WDR7: variants seen among roughly 807,000 people sequenced by gnomAD.
WDR7 encodes WD repeat-containing protein 7.
WDR7 carries 46 observed loss-of-function variants against 169.4 expected under a neutral mutation model. The observed-to-expected ratio is 0.27, with a 90% confidence interval of 0.21 to 0.35. The LOEUF (loss-of-function observed/expected upper bound fraction) is 0.35, where lower values mean the gene tolerates loss of function less well. Ranked by LOEUF, WDR7 falls within the 10% of genes least tolerant of loss-of-function variation. The pLI, the probability that WDR7 is intolerant of heterozygous loss-of-function variation, is 1.00. For synonymous variants in WDR7, 612 were observed against 666.8 expected (o/e 0.92, Z 1.27); for missense variants, 1,534 against 1,859.3 (o/e 0.83, Z 3.22).
At chr18:56,898,390 G>A (rs1000792537) in intron 21 of WDR7, among the ~76,000 whole-genome samples, 4 of 152,010 alleles carry the variant, frequency 2.6e-5, no homozygotes, top group African/African-American at 4.8e-5. Flanking sequence ...TTCAGGGGTG[G>A]ATGTTAAAAT....
At chr18:56,808,336 A>G (rs2044811130) in intron 19 of WDR7, among the ~76,000 whole-genome samples, 1 of 152,048 alleles carries the variant, frequency 6.6e-6, no homozygotes, top group East Asian at 1.9e-4. Flanking sequence ...CTTTAATTGG[A>G]CGACTGGAAA....
At chr18:56,796,479 A>G (rs1322962189) in intron 19 of WDR7, among the ~76,000 whole-genome samples, 1 of 152,352 alleles carries the variant, frequency 6.6e-6, no homozygotes, top group Non-Finnish European at 1.5e-5. Flanking sequence ...AGAAAACTCT[A>G]CAAAGCCTCA....
chr18:56,699,027 G>C (rs1244186249), intron 12 of WDR7, among the ~76,000 whole-genome samples: 1 of 151,752 alleles, frequency 6.6e-6, no homozygotes, highest in African/African-American at 2.4e-5. Context: ...AACTTAAAAT[G>C]AAAGTTAAAT....
At chr18:56,865,154 C>T (rs1484565768) in intron 20 of WDR7, among the ~76,000 whole-genome samples, 2 of 151,906 alleles carry the variant, frequency 1.3e-5, no homozygotes, top group African/African-American at 4.8e-5. Flanking sequence ...GTAGTCTATA[C>T]TAATGTTGTA....
chr18:56,928,227 G>T (rs757792303), intron 22 of WDR7, among the ~76,000 whole-genome samples: 1 of 152,134 alleles, frequency 6.6e-6, no homozygotes, highest in Non-Finnish European at 1.5e-5. Flanking sequence ...ACTTTGGGAG[G>T]CCGAGGTGGG....
chr18:56,779,816 T>C (rs2044291575), intron 18 of WDR7, among the ~76,000 whole-genome samples: 1 of 152,236 alleles, frequency 6.6e-6, no homozygotes, highest in Admixed American at 6.5e-5. Context: ...TTCTTAAGTT[T>C]GGTTTCTGTA....
chr18:57,024,419 T>C (rs1415813057), intron 27 of WDR7, among the ~76,000 whole-genome samples: 2 of 152,184 alleles, frequency 1.3e-5, no homozygotes, highest in Non-Finnish European at 2.9e-5. Flanking sequence ...TCATGCCGAA[T>C]TTGAAGAGGT....
At chr18:56,830,621 G>A (rs1024022793) in intron 20 of WDR7, among the ~76,000 whole-genome samples, 1 of 152,186 alleles carries the variant, frequency 6.6e-6, no homozygotes, top group Non-Finnish European at 1.5e-5. Context: ...GATACTAAGG[G>A]TGTCTGACTC....
chr18:56,900,111 A>ATATATATATATATAT (rs1555707547), intron 21 of WDR7, among the ~76,000 whole-genome samples: 179 of 137,530 alleles, frequency 1.3e-3, no homozygotes, highest in East Asian at 1.8e-3. Flanking sequence ...TATATATATA[A>ATATATATATATATAT]AATTGTTAAT....
chr18:56,887,863 CAT>C (rs1294642859), intron 21 of WDR7, among the ~76,000 whole-genome samples: 2 of 152,140 alleles, frequency 1.3e-5, no homozygotes, highest in Non-Finnish European at 2.9e-5. Flanking sequence ...TTTGATCAGT[CAT>C]GTGTAATATT....
chr18:56,747,110 C>G (rs762943587), intron 14 of WDR7, among the ~76,000 whole-genome samples: 9 of 152,172 alleles, frequency 5.9e-5, no homozygotes, highest in Non-Finnish European at 1.0e-4. Flanking sequence ...TTCAGTCTTT[C>G]CTCTACCACC....
At chr18:56,738,798 CTTTTTT>C (rs10547813) in intron 14 of WDR7, among the ~76,000 whole-genome samples, 66 of 58,806 alleles carry the variant, frequency 1.1e-3, no homozygotes, top group African/African-American at 3.6e-3. Context: ...GCATAAAATC[CTTTTTT>C]TTTTTTTTTT....
rs541143727 is a variant in WDR7, at chr18:56,659,139, C to T, written c.-20+7563C>T. Among the ~76,000 whole-genome samples, 13 of 152,010 alleles carry T rather than the reference C, an allele frequency of 8.6e-5. No homozygotes were observed. The South Asian group carries it at 1.7e-3, about 19-fold the overall frequency. ...GATATATTTTGCTGTGTATATGTCACGATAGACTAAAAGAGGCAGGAGCGT... is the reference window on the plus strand; with the variant it reads ...GATATATTTTGCTGTGTATATGTCATGATAGACTAAAAGAGGCAGGAGCGT... On this transcript the variant is annotated intron_variant, in intron 1 of 27. Coordinates refer to ENST00000254442, the MANE Select transcript of WDR7 (RefSeq NM_015285.3).
chr18:56,739,601 C>A (rs1001499158), intron 14 of WDR7, among the ~76,000 whole-genome samples: 4 of 152,028 alleles, frequency 2.6e-5, no homozygotes, highest in Non-Finnish European at 5.9e-5. Context: ...CTACTCATTT[C>A]TTTTAGTACA....
Position 56,894,412 on chromosome 18 carries a change from A to G in WDR7, c.3526+14247A>G, listed in dbSNP as rs1202458863. ...AGTGCCCTGGCTGCTTCTCAGGCATACTAGTCACTCCTTCTGCTGGGACAC... is the reference window on the plus strand; with the variant it reads ...AGTGCCCTGGCTGCTTCTCAGGCATGCTAGTCACTCCTTCTGCTGGGACAC... On this transcript the variant is annotated intron_variant, in intron 21 of 27. Coordinates refer to ENST00000254442, the MANE Select transcript of WDR7 (RefSeq NM_015285.3). Among the ~76,000 whole-genome samples the G allele has an allele frequency of 2.6e-5, 4 of 151,894 alleles. 1 individual carries two copies. The highest frequency in any genetic ancestry group is 1.5e-5 in the Non-Finnish European group (1 of 67,988).
At chr18:56,999,679 A>G (rs1201143362) in intron 26 of WDR7, among the ~76,000 whole-genome samples, 2 of 152,110 alleles carry the variant, frequency 1.3e-5, no homozygotes, top group Non-Finnish European at 2.9e-5. Context: ...GAAAACAACT[A>G]AGGAAAAATA....
At position 56,961,774 on chromosome 18, in the gene WDR7, A is replaced by C. The variant is rs1227621593; in HGVS notation, c.4065-656A>C. Among the ~76,000 whole-genome samples, 6 of 152,304 alleles carry C rather than the reference A, an allele frequency of 3.9e-5. No homozygotes were observed. In the East Asian group the frequency reaches 9.6e-4, roughly 24 times the overall value. ...TTATGCAATGCAATATAAGTACCAA[A>C]TATGCTTATTCACACTGCTAAAAGC... On this transcript the variant is annotated intron_variant, in intron 25 of 27. Coordinates refer to ENST00000254442, the MANE Select transcript of WDR7 (RefSeq NM_015285.3).
At chr18:56,658,072 T>C (rs1209725210) in intron 1 of WDR7, among the ~76,000 whole-genome samples, 4 of 152,116 alleles carry the variant, frequency 2.6e-5, no homozygotes, top group Non-Finnish European at 5.9e-5. Flanking sequence ...CTTTAAAATA[T>C]AACATTTCTG....
At chr18:56,884,113 A>C (rs939871778) in intron 21 of WDR7, among the ~76,000 whole-genome samples, 1 of 152,162 alleles carries the variant, frequency 6.6e-6, no homozygotes, top group Non-Finnish European at 1.5e-5. Context: ...TGGTTGTACT[A>C]GTTTACATTC....
Sources: gnomAD v4.1 joint callset for allele counts (sites outside exome capture counted in the v4.1 genomes callset) on GRCh38, gnomAD v4.1.1 for gene constraint, MANE v1.5 for transcripts, NCBI Gene and HGNC (gene_info 2026-07-23, HGNC 2026-07-21) for gene names.